EYS: variants seen among roughly 807,000 people sequenced by gnomAD.
EYS encodes the protein EGF-like photoreceptor maintenance factor.
In EYS, 250 loss-of-function variants were observed where a neutral mutation model predicts 282.1. That is an observed-to-expected ratio of 0.89 (90% CI 0.80 to 0.98). The LOEUF (loss-of-function observed/expected upper bound fraction) is 0.98, where lower values mean the gene tolerates loss of function less well. Ranked by LOEUF, EYS falls within the 50% of genes least tolerant of loss-of-function variation. The pLI is 0.00. For missense variants in EYS, 4,016 were observed against 3,709.0 expected, an observed-to-expected ratio of 1.08 and a Z score of -2.15; for synonymous variants, 1,355 against 1,282.9, an observed-to-expected ratio of 1.06 and a Z score of -1.20.
intron 36 of EYS, among the ~76,000 whole-genome samples, chr6:63,845,384 C>T (rs1011250716): frequency 1.4e-5 from 2 of 147,688 alleles, no homozygotes; most frequent in Non-Finnish European, 3.0e-5. Context: ...TAAAATGATG[C>T]AAGGATTTTT....
chr6:64,643,428 G>A (rs749724581), intron 22 of EYS, among the ~76,000 whole-genome samples: 4 of 152,142 alleles, frequency 2.6e-5, no homozygotes, highest in Admixed American at 6.5e-5. Flanking sequence ...TGGTATGTAT[G>A]GTCATCCTAC....
intron 31 of EYS, among the ~76,000 whole-genome samples, chr6:64,151,363 A>ATATAAATATATAT (rs1491135650): frequency 1.6e-5 from 1 of 62,852 alleles, no homozygotes; most frequent in African/African-American, 7.1e-5. Flanking sequence ...ATATATATAT[A>ATATAAATATATAT]ATTTTTTTTT....
chr6:64,330,276 GAA>G (rs1770589765), intron 29 of EYS, among the ~76,000 whole-genome samples: 1 of 152,194 alleles, frequency 6.6e-6, no homozygotes, highest in Admixed American at 6.5e-5. Flanking sequence ...GGACATGAGT[GAA>G]AAGAGACTGT....
intron 2 of EYS, among the ~76,000 whole-genome samples, chr6:65,514,033 TAG>T (rs1562234063): frequency 6.6e-6 from 1 of 152,090 alleles, no homozygotes; most frequent in African/African-American, 2.4e-5. Context: ...ATTGTATATC[TAG>T]AAAACCCCAT....
Position 65,669,049 on chromosome 6 carries a change from G to T in EYS, c.-447-29157C>A, listed in dbSNP as rs187155815. Among the ~76,000 whole-genome samples the T allele has an allele frequency of 2.0e-5, 3 of 151,958 alleles. No homozygotes were observed. The East Asian group carries it at 5.8e-4, about 29-fold the overall frequency. On this transcript the variant is annotated intron_variant, in intron 1 of 42. Coordinates refer to ENST00000503581, the MANE Select transcript of EYS (RefSeq NM_001142800.2). Reference sequence around the variant, plus strand: ...TTCTAAGAAAATTTAAATGTATGATGTTTATTTAAGTATATATGGTTATGA... The same window carrying T: ...TTCTAAGAAAATTTAAATGTATGATTTTTATTTAAGTATATATGGTTATGA...
intron 29 of EYS, among the ~76,000 whole-genome samples, chr6:64,339,479 TG>T (rs2150395545): frequency 6.6e-6 from 1 of 151,698 alleles, no homozygotes; most frequent in South Asian, 2.1e-4. Context: ...CAAAAAACAG[TG>T]GATGTTGGAG....
intron 2 of EYS, among the ~76,000 whole-genome samples, chr6:65,608,671 AT>A (rs1488952850): frequency 2.6e-5 from 4 of 152,076 alleles, no homozygotes; most frequent in African/African-American, 9.7e-5. Context: ...ACCGTAAAAA[AT>A]ATGTTCTTGC....
At chr6:64,490,973 A>C (rs1776722336) in intron 26 of EYS, among the ~76,000 whole-genome samples, 1 of 150,818 alleles carries the variant, frequency 6.6e-6, no homozygotes, top group African/African-American at 2.4e-5. Context: ...TCAACAGAAA[A>C]TTTTAAGTTT....
chr6:64,314,416 C>T (rs1254339360), intron 29 of EYS, among the ~76,000 whole-genome samples: 3 of 152,114 alleles, frequency 2.0e-5, no homozygotes, highest in Admixed American at 6.6e-5. Flanking sequence ...GAGACTTAGA[C>T]TCCCGCATAA....
intron 19 of EYS, among the ~76,000 whole-genome samples, chr6:64,839,592 G>A (rs1325034716): frequency 6.6e-6 from 1 of 151,966 alleles, no homozygotes; most frequent in Non-Finnish European, 1.5e-5. Flanking sequence ...AATATGTACT[G>A]TCTTAGCCTG....
At chr6:64,448,288 A>C (rs898683084) in intron 26 of EYS, among the ~76,000 whole-genome samples, 32 of 152,194 alleles carry the variant, frequency 2.1e-4, no homozygotes, top group Non-Finnish European at 4.1e-4. Context: ...TCAAACTGCA[A>C]GGTGGCAGTG....
chr6:64,392,546 G>C (rs1393070356), intron 28 of EYS, among the ~76,000 whole-genome samples: 1 of 151,804 alleles, frequency 6.6e-6, no homozygotes, highest in African/African-American at 2.4e-5. Context: ...ATAAAGAAAT[G>C]AAGGCAGAAA....
intron 2 of EYS, among the ~76,000 whole-genome samples, chr6:65,537,098 G>T (rs1045001032): frequency 6.6e-6 from 1 of 152,082 alleles, no homozygotes; most frequent in Non-Finnish European, 1.5e-5. Flanking sequence ...AACTCATGAA[G>T]AGAAAAACAA....
rs531337149 is a variant in EYS, at chr6:63,932,531, T to G, written c.7055+51852A>C. On this transcript the variant is annotated intron_variant, in intron 35 of 42. Transcript: ENST00000503581. ...CTCTGGCACTCCTCCTTCAGGGAATTTTTTAGTCCTGTTCTATTTCCTAAT... is the reference window on the plus strand; with the variant it reads ...CTCTGGCACTCCTCCTTCAGGGAATGTTTTAGTCCTGTTCTATTTCCTAAT... 5.3e-5 allele frequency among the ~76,000 whole-genome samples: 8 copies of G among 152,304 alleles called. No individual in the cohort carries two copies. In the South Asian group the frequency reaches 1.7e-3, roughly 32 times the overall value.
chr6:63,762,427 G>A (rs748277036), intron 41 of EYS, 34 bp downstream of exon 41: 1 of 1,540,234 alleles, frequency 6.5e-7, no homozygotes, highest in Admixed American at 2.0e-5. Context: ...AGTTATATTT[G>A]TGGACAGCAA....
chr6:63,908,596 A>G (rs1773841193), intron 35 of EYS, among the ~76,000 whole-genome samples: 1 of 151,898 alleles, frequency 6.6e-6, no homozygotes, highest in Non-Finnish European at 1.5e-5. Context: ...GATTACAGGC[A>G]CCCACCACCA....
chr6:65,519,290 G>A (rs1205557543), intron 2 of EYS, among the ~76,000 whole-genome samples: 3 of 151,460 alleles, frequency 2.0e-5, no homozygotes, highest in Admixed American at 6.6e-5. Context: ...CTCTGTGTGT[G>A]TTTGTGTGTG....
chr6:65,108,242 G>T (rs1775102049), intron 12 of EYS, among the ~76,000 whole-genome samples: 1 of 151,960 alleles, frequency 6.6e-6, no homozygotes, highest in Non-Finnish European at 1.5e-5. Flanking sequence ...ATCACTTCTT[G>T]GTTACGGAAA....
At chr6:64,406,998 A>C (rs529385490) in intron 28 of EYS, among the ~76,000 whole-genome samples, 1 of 152,350 alleles carries the variant, frequency 6.6e-6, no homozygotes, top group East Asian at 1.9e-4. Context: ...ACACATGCAC[A>C]CATATGTTCA....
Sources: gnomAD v4.1 joint callset for allele counts (sites outside exome capture counted in the v4.1 genomes callset) on GRCh38, gnomAD v4.1.1 for gene constraint, MANE v1.5 for transcripts, NCBI Gene and HGNC (gene_info 2026-07-23, HGNC 2026-07-21) for gene names.